AKAP6: variants seen among roughly 807,000 people sequenced by gnomAD.
The protein encoded by AKAP6 is A-kinase anchoring protein 6.
A neutral mutation model predicts 188.5 loss-of-function variants in AKAP6; 58 were observed. The ratio of observed to expected loss-of-function variants is 0.31; its 90% CI spans 0.25 to 0.38. The LOEUF is 0.38. Ranked by LOEUF, AKAP6 falls within the 10% of genes least tolerant of loss-of-function variation. The probability of loss-of-function intolerance (pLI) is 1.00; values close to 1 mark genes in which losing one functional copy is unlikely to be tolerated. For synonymous variants in AKAP6, 989 were observed against 998.6 expected (o/e 0.99, Z 0.18); for missense variants, 2,710 against 2,740.0 (o/e 0.99, Z 0.24).
chr14:32,695,373 A>C (rs1890360949), intron 8 of AKAP6, among the ~76,000 whole-genome samples: 1 of 152,222 alleles, frequency 6.6e-6, no homozygotes, highest in African/African-American at 2.4e-5. Flanking sequence ...GTTTGCAGAG[A>C]TAGGCAGATA....
chr14:32,352,890 A>AT (rs1400190608), intron 1 of AKAP6, among the ~76,000 whole-genome samples: 1 of 152,202 alleles, frequency 6.6e-6, no homozygotes, highest in African/African-American at 2.4e-5. Flanking sequence ...TGACATAGTG[A>AT]TTTCATTTCC....
chr14:32,439,416 G>A (rs1392050409), intron 2 of AKAP6, among the ~76,000 whole-genome samples: 1 of 152,168 alleles, frequency 6.6e-6, no homozygotes, highest in Non-Finnish European at 1.5e-5. Context: ...GTGAGTTGTG[G>A]TACAGTATGT....
At chr14:32,350,841 ATGGTAGGATGAGAAGTAGAACTT>A (rs1267836757) in intron 1 of AKAP6, among the ~76,000 whole-genome samples, 1 of 152,166 alleles carries the variant, frequency 6.6e-6, no homozygotes. Context: ...AAATCAGAGG[ATGGTAGGATGAGAAGTAGAACTT>A]CTCTGAGTAG....
intron 2 of AKAP6, among the ~76,000 whole-genome samples, chr14:32,488,191 C>G (rs1282596882): frequency 6.6e-6 from 1 of 152,214 alleles, no homozygotes; most frequent in Admixed American, 6.5e-5. Flanking sequence ...AAGCCCCTGA[C>G]TGGGGCTGCT....
intron 11 of AKAP6, among the ~76,000 whole-genome samples, chr14:32,739,345 C>T (rs1345242808): frequency 6.6e-6 from 1 of 151,908 alleles, no homozygotes; most frequent in African/African-American, 2.4e-5. Context: ...GTATCCATCC[C>T]CTCAAGTATT....
At chr14:32,745,567 A>G (rs2031872458) in intron 11 of AKAP6, among the ~76,000 whole-genome samples, 1 of 151,740 alleles carries the variant, frequency 6.6e-6, no homozygotes, top group Admixed American at 6.6e-5. Flanking sequence ...GGGTGGAGTG[A>G]CACAAGCATC....
At chr14:32,399,054 G>C (rs184809661) in intron 1 of AKAP6, among the ~76,000 whole-genome samples, 1 of 151,706 alleles carries the variant, frequency 6.6e-6, no homozygotes, top group Admixed American at 6.6e-5. Flanking sequence ...GGGTTTCACT[G>C]TGTTGCCCAG....
intron 7 of AKAP6, among the ~76,000 whole-genome samples, chr14:32,654,591 A>AATCCC (rs763208068): frequency 2.0e-5 from 3 of 151,882 alleles, no homozygotes; most frequent in Non-Finnish European, 4.4e-5. Flanking sequence ...TCAGGCCTGC[A>AATCCC]ATCCCAGCAC....
At chr14:32,727,701 A>G (rs2030941805) in intron 9 of AKAP6, among the ~76,000 whole-genome samples, 1 of 152,206 alleles carries the variant, frequency 6.6e-6, no homozygotes, top group Non-Finnish European at 1.5e-5. Flanking sequence ...AATTTTTCCA[A>G]AGGCTCAGCA....
chr14:32,784,281 T>C (rs1253101609), intron 12 of AKAP6, among the ~76,000 whole-genome samples: 2 of 152,140 alleles, frequency 1.3e-5, no homozygotes, highest in African/African-American at 4.8e-5. Flanking sequence ...AATTCACACA[T>C]GCTTCACAGA....
In AKAP6 at chr14:32,823,269, G is replaced by T. The variant is rs755188518; in HGVS notation, c.5456G>T (p.Cys1819Phe). The T allele has an allele frequency of 2.5e-6, 4 of 1,613,744 alleles. No individual in the cohort carries two copies. Among genetic ancestry groups the T allele is most frequent in the Non-Finnish European group, 1.7e-6 (2 of 1,179,886 alleles). ...KLSLTRDKKR[C>F]NVSDEMKGSK... is the part of the protein sequence containing the mutation. ...TCTTTGACAAGAGATAAGAAAAGGT[G>T]CAATGTCAGTGATGAGATGAAGGGC... The change falls in exon 13 of 14, where the codon TGC (cysteine) becomes TTC (phenylalanine). Residue 1819 changes from cysteine to phenylalanine, a missense_variant. This residue lies in a region of AKAP6 where 2,473 missense variants were observed against 2,426.1 expected (regional missense o/e 1.02). Transcript: ENST00000280979.
chr14:32,418,898 G>A (rs17486543), intron 1 of AKAP6, among the ~76,000 whole-genome samples: 6,990 of 152,174 alleles, frequency 0.046, 209 homozygotes, highest in East Asian at 0.082. Context: ...AGCTCGTACT[G>A]TCTAGTTTCC....
intron 2 of AKAP6, among the ~76,000 whole-genome samples, chr14:32,505,505 G>A (rs1594686599): frequency 1.3e-5 from 2 of 151,984 alleles, no homozygotes; most frequent in Admixed American, 6.6e-5. Context: ...AATCCATGAT[G>A]AACAAAATAT....
At chr14:32,530,217 G>A (rs1333210545) in intron 2 of AKAP6, among the ~76,000 whole-genome samples, 1 of 151,912 alleles carries the variant, frequency 6.6e-6, no homozygotes, top group African/African-American at 2.4e-5. Context: ...TTATAGTGAT[G>A]GGGTCTCCTG....
intron 11 of AKAP6, among the ~76,000 whole-genome samples, chr14:32,755,921 G>A (rs1240376650): frequency 6.6e-6 from 1 of 152,236 alleles, no homozygotes; most frequent in Admixed American, 6.5e-5. Context: ...CTTGGGGCTA[G>A]GCATTTGTGC....
intron 12 of AKAP6, among the ~76,000 whole-genome samples, chr14:32,808,625 G>C (rs1030266653): frequency 2.0e-5 from 3 of 152,084 alleles, no homozygotes; most frequent in African/African-American, 7.2e-5. Context: ...TTTACGGTCC[G>C]AAAGAACCCA....
intron 8 of AKAP6, among the ~76,000 whole-genome samples, chr14:32,689,452 T>C (rs538751047): frequency 6.6e-6 from 1 of 152,314 alleles, no homozygotes; most frequent in African/African-American, 2.4e-5. Context: ...TACGTAGGTA[T>C]ATATAAAAAC....
intron 2 of AKAP6, among the ~76,000 whole-genome samples, chr14:32,519,467 A>G (rs1369247565): frequency 6.6e-6 from 1 of 152,192 alleles, no homozygotes; most frequent in Non-Finnish European, 1.5e-5. Context: ...ATGCAGAGAC[A>G]CACAAAAACT....
intron 12 of AKAP6, among the ~76,000 whole-genome samples, chr14:32,798,044 AG>A (rs2033827348): frequency 6.6e-6 from 1 of 152,174 alleles, no homozygotes; most frequent in African/African-American, 2.4e-5. Flanking sequence ...TAAATCAACA[AG>A]AAAATAACAA....
Sources: gnomAD v4.1 joint callset for allele counts (sites outside exome capture counted in the v4.1 genomes callset) on GRCh38, gnomAD v4.1.1 for gene constraint, gnomAD v4.1.1 regional missense constraint, MANE v1.5 for transcripts, NCBI Gene and HGNC (gene_info 2026-07-23, HGNC 2026-07-21) for gene names.